TMEM114: variants seen among roughly 807,000 people sequenced by gnomAD.
TMEM114 encodes the protein claudin-26.
In TMEM114, 6 loss-of-function variants were observed where a neutral mutation model predicts 6.2. The ratio of observed to expected loss-of-function variants is 0.97; its 90% CI spans 0.53 to 1.91. The LOEUF (loss-of-function observed/expected upper bound fraction) is 1.91. TMEM114 is among the 40% of genes most tolerant of loss of function. The probability of loss-of-function intolerance (pLI) is 0.01; values close to 1 mark genes in which losing one functional copy is unlikely to be tolerated. For missense variants in TMEM114, 218 were observed against 158.3 expected (o/e 1.38, Z -2.02); for synonymous variants, 104 against 73.0 (o/e 1.42, Z -2.16).
chr16:8,576,720 AAGGAAGGAAG>A (rs1901943922), intron 2 of TMEM114, among the ~76,000 whole-genome samples: 7 of 108,074 alleles, frequency 6.5e-5, no homozygotes, highest in African/African-American at 2.9e-4. Flanking sequence ...GGAAGGAAGG[AAGGAAGGAAG>A]GAAGGAAGGA....
intron 1 of TMEM114, 87 bp from the exon 2 acceptor site, chr16:8,589,380 TAA>T: frequency 2.5e-6 from 1 of 398,716 alleles, no homozygotes; most frequent in Non-Finnish European, 4.4e-6. Flanking sequence ...ATGCTCACCC[TAA>T]GTGCCCCACC....
chr16:8,527,939 C>T, the TMEM114 span, among the ~76,000 whole-genome samples: 1 of 152,102 alleles, frequency 6.6e-6, no homozygotes, highest in Non-Finnish European at 1.5e-5. Context: ...ACAAAGTCTC[C>T]CTGTGCTGCC....
At chr16:8,558,614 A>G (rs75254834) in intron 2 of TMEM114, among the ~76,000 whole-genome samples, 3,030 of 152,236 alleles carry the variant, frequency 0.02, 102 homozygotes, top group African/African-American at 0.07. Flanking sequence ...TTTGGGGCAC[A>G]TGCTTGAACC....
At chr16:8,565,653 G>A (rs1045141199), downstream of TMEM114, among the ~76,000 whole-genome samples, 3 of 152,242 alleles carry the variant, frequency 2.0e-5, no homozygotes, top group Non-Finnish European at 4.4e-5. Flanking sequence ...GCCCTGGGAG[G>A]CCCCTCCCTG....
downstream of TMEM114, among the ~76,000 whole-genome samples, chr16:8,533,683 C>G (rs1900279569): frequency 6.6e-6 from 1 of 152,216 alleles, no homozygotes; most frequent in Non-Finnish European, 1.5e-5. Context: ...GAGGGTTCCA[C>G]AGACTATTCA....
downstream of TMEM114, among the ~76,000 whole-genome samples, chr16:8,534,387 C>G (rs1016839857): frequency 2.0e-5 from 3 of 150,914 alleles, no homozygotes; most frequent in African/African-American, 4.9e-5. Flanking sequence ...TCCTTTATAG[C>G]TATCACTTAT....
At chr16:8,587,119 C>T (rs1216194737) in intron 2 of TMEM114, among the ~76,000 whole-genome samples, 1 of 148,962 alleles carries the variant, frequency 6.7e-6, no homozygotes, top group African/African-American at 2.5e-5. Flanking sequence ...CAAACCAGGG[C>T]TTTTTTTTTT....
At chr16:8,544,578 G>A (rs944935357) in intron 2 of TMEM114, among the ~76,000 whole-genome samples, 2 of 152,172 alleles carry the variant, frequency 1.3e-5, no homozygotes, top group Non-Finnish European at 2.9e-5. Context: ...AATGAGGAAT[G>A]ATAGCTCATA....
At position 8,564,314 on chromosome 16, in the gene TMEM114, TGAATGAGTGAGTTAGA is replaced by T. The variant is rs1407764139; in HGVS notation, n.212+24883_212+24898del. Among the ~76,000 whole-genome samples the T allele has an allele frequency of 1.3e-5, 2 of 148,952 alleles. 1 individual carries two copies. The highest frequency in any genetic ancestry group is 5.1e-5 in the African/African-American group (2 of 39,246). On this transcript the variant is annotated intron_variant and non_coding_transcript_variant, in intron 2 of 2. Transcript: ENST00000623677. ...ATAAGTGAATGAGTGATGAAATAAGTGAATGAGTGAGTTAGAGAATGAGTCAGTGAGAGAATGAGTC... is the reference window on the plus strand; with the variant it reads ...ATAAGTGAATGAGTGATGAAATAAGTGAATGAGTCAGTGAGAGAATGAGTC...
At chr16:8,561,988 G>C (rs1264505464) in intron 2 of TMEM114, among the ~76,000 whole-genome samples, 1 of 150,422 alleles carries the variant, frequency 6.6e-6, no homozygotes, top group Non-Finnish European at 1.5e-5. Flanking sequence ...GAATGAGTGA[G>C]TATATGAATG....
downstream of TMEM114, among the ~76,000 whole-genome samples, chr16:8,535,612 G>C (rs1250353172): frequency 6.6e-6 from 1 of 152,148 alleles, no homozygotes; most frequent in East Asian, 1.9e-4. Context: ...CATTTGTCAA[G>C]GAAAAAGGAT....
chr16:8,530,098 C>G, the TMEM114 span, among the ~76,000 whole-genome samples: 3 of 152,316 alleles, frequency 2.0e-5, no homozygotes, highest in African/African-American at 7.2e-5. Flanking sequence ...AGTTAACAAA[C>G]TGTACAGTTG....
intron 2 of TMEM114, among the ~76,000 whole-genome samples, chr16:8,553,122 G>A (rs932317651): frequency 6.6e-6 from 1 of 152,334 alleles, no homozygotes; most frequent in Admixed American, 6.5e-5. Flanking sequence ...GGATGGAGAT[G>A]ACAGGAGAGC....
intron 2 of TMEM114, among the ~76,000 whole-genome samples, chr16:8,564,131 TAGTGAATGAGTG>T (rs1464259738): frequency 2.2e-4 from 23 of 106,918 alleles, no homozygotes; most frequent in South Asian, 3.1e-4. Flanking sequence ...ATGAGTGAGT[TAGTGAATGAGTG>T]AGTGAATGAG....
intron 3 of TMEM114, among the ~76,000 whole-genome samples, chr16:8,570,395 G>A (rs553867492): frequency 2.0e-5 from 3 of 151,960 alleles, no homozygotes; most frequent in Non-Finnish European, 4.4e-5. Context: ...AGCTTGCTGC[G>A]ATCTCAGCTT....
downstream of TMEM114, among the ~76,000 whole-genome samples, chr16:8,532,690 C>A (rs2030986): frequency 0.58 from 87,675 of 151,938 alleles, 25,362 homozygotes; most frequent in South Asian, 0.68. Context: ...TTTGGGAGGC[C>A]GAGGCGGGCG....
At chr16:8,533,507 G>A (rs1900274186), downstream of TMEM114, among the ~76,000 whole-genome samples, 2 of 152,218 alleles carry the variant, frequency 1.3e-5, no homozygotes, top group Non-Finnish European at 1.5e-5. Flanking sequence ...TCACAGGTTA[G>A]TATATTATTC....
chr16:8,529,955 A>G, the TMEM114 span, among the ~76,000 whole-genome samples: 19,277 of 152,216 alleles, frequency 0.13, 1,437 homozygotes, highest in Middle Eastern at 0.23. Context: ...TGGAATGCAC[A>G]TCACTTCACC....
intron 2 of TMEM114, among the ~76,000 whole-genome samples, chr16:8,545,990 C>T (rs1011231241): frequency 1.3e-5 from 2 of 152,204 alleles, no homozygotes; most frequent in African/African-American, 2.4e-5. Flanking sequence ...TGGTGTGTGC[C>T]TGTAGTCCCA....
Sources: gnomAD v4.1 joint callset for allele counts (sites outside exome capture counted in the v4.1 genomes callset) on GRCh38, gnomAD v4.1.1 for gene constraint, MANE v1.5 for transcripts, NCBI Gene and HGNC (gene_info 2026-07-23, HGNC 2026-07-21) for gene names.